The following PRKCA variants were observed in gnomAD, a reference collection of about 807,000 sequenced individuals.
PRKCA encodes the protein protein kinase C alpha type.
Under a neutral mutation model 87.0 loss-of-function variants are expected in PRKCA, and 27 were observed. The observed-to-expected ratio is 0.31, with a 90% CI of 0.23 to 0.43. The LOEUF is 0.43. Ranked by LOEUF, PRKCA falls within the 20% of genes least tolerant of loss-of-function variation. PRKCA has a pLI of 1.00. For missense variants in PRKCA, 518 were observed against 852.3 expected (o/e 0.61, Z 4.88); for synonymous variants, 329 against 311.1 (o/e 1.06, Z -0.61).
intron 2 of PRKCA, among the ~76,000 whole-genome samples, chr17:66,355,741 G>T (rs1908008202): frequency 6.6e-6 from 1 of 152,050 alleles, no homozygotes; most frequent in Admixed American, 6.6e-5. Context: ...TTCCAGTTTT[G>T]GGGGAAATGA....
At chr17:66,317,927 T>TA (rs1340677568) in intron 2 of PRKCA, among the ~76,000 whole-genome samples, 1 of 152,258 alleles carries the variant, frequency 6.6e-6, no homozygotes, top group East Asian at 1.9e-4. Flanking sequence ...TCTTAAGTAT[T>TA]TACAATGTAG....
chr17:66,636,482 G>T, intron 3 of PRKCA, among the ~76,000 whole-genome samples: 1 of 152,168 alleles, frequency 6.6e-6, no homozygotes, highest in East Asian at 1.9e-4. Flanking sequence ...TCGGGAATGC[G>T]GGACCTAGGA....
chr17:66,533,791 T>A (rs1374672076), intron 3 of PRKCA, among the ~76,000 whole-genome samples: 2 of 152,288 alleles, frequency 1.3e-5, no homozygotes, highest in Admixed American at 1.3e-4. Context: ...TGCTCAGGCT[T>A]CTTTCTGCTG....
At chr17:66,411,300 C>G (rs1009268378) in intron 2 of PRKCA, among the ~76,000 whole-genome samples, 2 of 146,256 alleles carry the variant, frequency 1.4e-5, no homozygotes, top group African/African-American at 2.5e-5. Flanking sequence ...GTCTTGAATT[C>G]CTGGGGTCAA....
intron 5 of PRKCA, among the ~76,000 whole-genome samples, chr17:66,652,335 C>G (rs1971610602): frequency 6.6e-6 from 1 of 151,900 alleles, no homozygotes; most frequent in Non-Finnish European, 1.5e-5. Context: ...GATCCTGGAT[C>G]CAAGAAAAAA....
At chr17:66,556,926 CG>C (rs1968513901) in intron 3 of PRKCA, among the ~76,000 whole-genome samples, 1 of 152,106 alleles carries the variant, frequency 6.6e-6, no homozygotes, top group African/African-American at 2.4e-5. Flanking sequence ...TGATACTCCC[CG>C]GGGAAGAACC....
intron 2 of PRKCA, among the ~76,000 whole-genome samples, chr17:66,490,065 G>A (rs1054688225): frequency 6.6e-6 from 1 of 152,088 alleles, no homozygotes; most frequent in Non-Finnish European, 1.5e-5. Context: ...ACAGGTGTGA[G>A]CAACCACACC....
At chr17:66,367,643 T>TAAAA (rs899477650) in intron 2 of PRKCA, among the ~76,000 whole-genome samples, 1 of 152,186 alleles carries the variant, frequency 6.6e-6, no homozygotes. Context: ...CTCTCCTGGT[T>TAAAA]AAATGTCTAC....
At chr17:66,480,263 G>A (rs910950411) in intron 2 of PRKCA, among the ~76,000 whole-genome samples, 1 of 151,996 alleles carries the variant, frequency 6.6e-6, no homozygotes, top group Admixed American at 6.6e-5. Flanking sequence ...AGAATCCCTT[G>A]GACGCCTTCA....
chr17:66,719,218 C>T (rs984164479), intron 8 of PRKCA, among the ~76,000 whole-genome samples: 40 of 152,322 alleles, frequency 2.6e-4, no homozygotes, highest in African/African-American at 8.7e-4. Flanking sequence ...GGAATGGTTA[C>T]ATCAGCTACA....
chr17:66,773,048 C>T (rs143147307), intron 13 of PRKCA, among the ~76,000 whole-genome samples: 1 of 152,246 alleles, frequency 6.6e-6, no homozygotes, highest in Non-Finnish European at 1.5e-5. Flanking sequence ...CCAGGCTAGC[C>T]TCAAACTCCT....
chr17:66,719,593 C>T (rs1407179601), intron 8 of PRKCA, among the ~76,000 whole-genome samples: 2 of 152,244 alleles, frequency 1.3e-5, no homozygotes, highest in East Asian at 3.9e-4. Context: ...ATGGTGAAAC[C>T]CCGTCTCTAC....
intron 2 of PRKCA, among the ~76,000 whole-genome samples, chr17:66,433,383 C>G (rs1234509933): frequency 6.6e-6 from 1 of 152,210 alleles, no homozygotes; most frequent in African/African-American, 2.4e-5. Context: ...AGCCTCTCTC[C>G]CTGCTGAGCT....
chr17:66,649,097 CA>C (rs919549017), intron 5 of PRKCA, among the ~76,000 whole-genome samples: 15,381 of 89,498 alleles, frequency 0.17, 953 homozygotes, highest in African/African-American at 0.29. Flanking sequence ...GAGTCCATCT[CA>C]AAAAAAAAAA....
chr17:66,500,278 G>A (rs1916669927), intron 3 of PRKCA, among the ~76,000 whole-genome samples: 1 of 152,166 alleles, frequency 6.6e-6, no homozygotes, highest in Admixed American at 6.5e-5. Flanking sequence ...CTGCAGCCAA[G>A]GCCTGAGAAG....
At chr17:66,503,604 C>A (rs1047444934) in intron 3 of PRKCA, among the ~76,000 whole-genome samples, 1 of 152,092 alleles carries the variant, frequency 6.6e-6, no homozygotes, top group Non-Finnish European at 1.5e-5. Context: ...AAAGTGATAT[C>A]CCCTGTGAGA....
rs372080210 is a variant in PRKCA, at chr17:66,804,065, C to G, written c.*28C>G. 1 of 1,585,474 alleles carries G rather than the reference C, an allele frequency of 6.3e-7. No homozygotes were observed. Among genetic ancestry groups the G allele is most frequent in the Admixed American group, 1.7e-5 (1 of 58,854 alleles). The stretch of plus-strand genomic sequence containing the variant: ...CTCACCAGCGAGAACAAACACCTCC[C>G]CAGCCCCCAGCCCTCCCCGCAGTGG... On this transcript the variant is annotated 3_prime_UTR_variant, in exon 17 of 17. Coordinates refer to ENST00000413366, the MANE Select transcript of PRKCA (RefSeq NM_002737.3).
chr17:66,395,474 C>T (rs114647820), intron 2 of PRKCA, among the ~76,000 whole-genome samples: 1,654 of 152,276 alleles, frequency 0.011, 32 homozygotes, highest in African/African-American at 0.038. Flanking sequence ...GAGCACACCT[C>T]AACTTGGATT....
chr17:66,312,627 C>T (rs985284001), intron 2 of PRKCA, among the ~76,000 whole-genome samples: 7 of 152,112 alleles, frequency 4.6e-5, no homozygotes, highest in Non-Finnish European at 8.8e-5. Flanking sequence ...TTCCTCAACC[C>T]CGTTTGCCCA....
Sources: allele counts gnomAD v4.1 joint callset (sites outside exome capture counted in the v4.1 genomes callset), GRCh38; gene constraint gnomAD v4.1.1; transcripts MANE v1.5; gene names NCBI Gene and HGNC (gene_info 2026-07-23, HGNC 2026-07-21).